WNK2: variants seen among roughly 807,000 people sequenced by gnomAD.
WNK2 encodes the protein WNK lysine deficient protein kinase 2.
WNK2 carries 67 observed loss-of-function variants against 192.1 expected under a neutral mutation model. The ratio of observed to expected loss-of-function variants is 0.35; its 90% CI spans 0.29 to 0.43. The LOEUF is 0.43. Ranked by LOEUF, WNK2 falls within the 20% of genes least tolerant of loss-of-function variation. The pLI is 1.00. For synonymous variants in WNK2, 1,439 were observed against 1,393.9 expected, an observed-to-expected ratio of 1.03 and a Z score of -0.72; for missense variants, 2,698 against 3,089.7, an observed-to-expected ratio of 0.87 and a Z score of 3.01.
In WNK2 at chr9:93,262,705, G is replaced by C; in HGVS notation, c.3396G>C (p.Pro1132=). The C allele has an allele frequency of 3.1e-6, 5 of 1,612,266 alleles. No homozygotes were observed. The highest frequency in any genetic ancestry group is 4.2e-6 in the Non-Finnish European group (5 of 1,179,878). Residue 1132 remains proline, a synonymous_variant, in exon 14 of 30, where the codon CCG becomes CCC. Coordinates refer to ENST00000427277, the MANE Select transcript of WNK2 (RefSeq NM_006648.4). ...QASQDKPPGL[P]QSCESYGGSD... is the part of the protein sequence containing the mutation. ...CACAGGACAAGCCGCCCGGCCTCCCGCAGAGCTGTGAGAGGTAGTGTGGCC... is the reference window on the plus strand; with the variant it reads ...CACAGGACAAGCCGCCCGGCCTCCCCCAGAGCTGTGAGAGGTAGTGTGGCC...
intron 19 of WNK2, among the ~76,000 whole-genome samples, chr9:93,281,010 T>C (rs1368382840): frequency 6.6e-6 from 1 of 152,162 alleles, no homozygotes; most frequent in Non-Finnish European, 1.5e-5. Context: ...ATATATAAAA[T>C]TCTAGAAAAT....
chr9:93,227,710 A>G (rs1447168066), intron 2 of WNK2, among the ~76,000 whole-genome samples: 1 of 150,392 alleles, frequency 6.6e-6, no homozygotes, highest in Non-Finnish European at 1.5e-5. Flanking sequence ...TGTGTTACCC[A>G]TGCTGGTCTT....
intron 19 of WNK2, chr9:93,268,997 C>A: frequency 6.7e-7 from 1 of 1,501,230 alleles, no homozygotes; most frequent in Non-Finnish European, 9.0e-7. Flanking sequence ...CTCGCATGGC[C>A]ATATAGGTGT....
At chr9:93,236,936 G>C (rs2132199165) in intron 5 of WNK2, among the ~76,000 whole-genome samples, 1 of 152,374 alleles carries the variant, frequency 6.6e-6, no homozygotes, top group South Asian at 2.1e-4. Flanking sequence ...GTGAAGCTCT[G>C]ATCAACACCT....
At chr9:93,309,566 A>T (rs1482902380) in intron 28 of WNK2, among the ~76,000 whole-genome samples, 1 of 152,118 alleles carries the variant, frequency 6.6e-6, no homozygotes, top group African/African-American at 2.4e-5. Context: ...TGATGTCCTG[A>T]TTTCATTCCT....
Position 93,297,860 on chromosome 9 carries a change from A to C in WNK2, c.5716A>C (p.Lys1906Gln). 1 of 1,581,228 alleles carries C rather than the reference A, an allele frequency of 6.3e-7. No homozygotes were observed. The highest frequency in any genetic ancestry group is 8.6e-7 in the Non-Finnish European group (1 of 1,164,980). Residue 1906 changes from lysine to glutamine, a missense_variant, in exon 24 of 30, where the codon AAG becomes CAG. Coordinates refer to ENST00000427277, the MANE Select transcript of WNK2 (RefSeq NM_006648.4). ...TCCTGTCCCCTCCTGCAGGCACCTGAAGGAGATCTCGGAGCTGCAGAGCCA... is the reference window on the plus strand; with the variant it reads ...TCCTGTCCCCTCCTGCAGGCACCTGCAGGAGATCTCGGAGCTGCAGAGCCA... ...ELQSLREKHLKEISELQSQQK... is the reference protein window; with the variant it reads ...ELQSLREKHLQEISELQSQQK...
At chr9:93,235,228 C>T (rs1290539266) in intron 5 of WNK2, among the ~76,000 whole-genome samples, 3 of 152,178 alleles carry the variant, frequency 2.0e-5, no homozygotes, top group African/African-American at 7.2e-5. Context: ...CCCATGGAGG[C>T]TGTCGCTCTC....
At chr9:93,318,604 C>A in intron 29 of WNK2, 1 of 1,604,012 alleles carries the variant, frequency 6.2e-7, no homozygotes, top group Non-Finnish European at 8.5e-7. Context: ...TGCCCGCCCA[C>A]CCTGTGGAGA....
At chr9:93,228,586 A>G (rs1214665069) in intron 2 of WNK2, among the ~76,000 whole-genome samples, 4 of 152,222 alleles carry the variant, frequency 2.6e-5, no homozygotes, top group African/African-American at 9.6e-5. Context: ...TCATTGGACC[A>G]AGATGAGGAG....
In WNK2 at chr9:93,297,949, C is replaced by T; in HGVS notation, c.5805C>T (p.Gly1935=). The T allele has an allele frequency of 6.3e-7, 1 of 1,585,024 alleles. No individual in the cohort carries two copies. The highest frequency in any genetic ancestry group is 8.6e-7 in the Non-Finnish European group (1 of 1,166,870). Reference sequence around the variant, plus strand: ...GCAAGCCACTGCCCCCCAACGTGGGCTTCTTCCACACGGCACCCCCCACTG... The same window carrying T: ...GCAAGCCACTGCCCCCCAACGTGGGTTTCTTCCACACGGCACCCCCCACTG... ...RLGKPLPPNV[G]FFHTAPPTGR... Residue 1935 remains glycine (G), a synonymous_variant, in exon 24 of 30, where the codon GGC becomes GGT. Transcript: ENST00000427277.
chr9:93,253,709 C>G (rs1415455084), intron 9 of WNK2, among the ~76,000 whole-genome samples: 1 of 152,104 alleles, frequency 6.6e-6, no homozygotes. Context: ...GTGATGGAAC[C>G]TCGGGCTGTG....
At chr9:93,214,329 A>T (rs928802756) in intron 2 of WNK2, among the ~76,000 whole-genome samples, 3 of 151,924 alleles carry the variant, frequency 2.0e-5, no homozygotes, top group Admixed American at 2.0e-4. Flanking sequence ...TTTGAGACGG[A>T]GTCTTGCTCT....
rs780482750 is a variant in WNK2, at chr9:93,292,514, T to C, written c.5049T>C (p.Pro1683=). Residue 1683 remains proline (P), a synonymous_variant, in exon 23 of 30, where the codon CCT becomes CCC. Coordinates refer to ENST00000427277, the MANE Select transcript of WNK2 (RefSeq NM_006648.4). Reference sequence around the variant, plus strand: ...AGGATGTACCTGCTTTTGTGAGACCTGCACGTGTGGAGCCCACAGACAGGG... The same window carrying C: ...AGGATGTACCTGCTTTTGTGAGACCCGCACGTGTGGAGCCCACAGACAGGG... The part of the protein sequence containing the change: ...VPQDVPAFVR[P]ARVEPTDRDG... The C allele has an allele frequency of 4.3e-5, 69 of 1,589,772 alleles. No homozygotes were observed. Among genetic ancestry groups the C allele is most frequent in the Non-Finnish European group, 5.8e-5 (68 of 1,166,234 alleles).
At chr9:93,233,502 C>G (rs1432447677) in intron 4 of WNK2, among the ~76,000 whole-genome samples, 2 of 152,002 alleles carry the variant, frequency 1.3e-5, no homozygotes, top group East Asian at 3.9e-4. Flanking sequence ...TCGAGAACAG[C>G]CTGACCAACA....
At chr9:93,271,434 C>T (rs528457958) in intron 19 of WNK2, among the ~76,000 whole-genome samples, 6 of 152,246 alleles carry the variant, frequency 3.9e-5, no homozygotes, top group Non-Finnish European at 5.9e-5. Context: ...AGTGACAAGA[C>T]GATGTAGATT....
chr9:93,209,052 T>C (rs1262728234), intron 2 of WNK2, among the ~76,000 whole-genome samples: 3 of 152,208 alleles, frequency 2.0e-5, no homozygotes, highest in Non-Finnish European at 4.4e-5. Flanking sequence ...GCAGCTCTCC[T>C]ATGAAACTGT....
chr9:93,212,859 C>G (rs1327007603), intron 2 of WNK2, among the ~76,000 whole-genome samples: 2 of 152,182 alleles, frequency 1.3e-5, no homozygotes, highest in African/African-American at 4.8e-5. Context: ...AAAGACTCTT[C>G]AAACTTGGGC....
rs936862882 is a variant in WNK2 at position 93,247,783 on chromosome 9, G to T, written c.1783G>T (p.Asp595Tyr). ...ACCAGAGCCCGAGGAGCCGGAGGCC[G>T]ACCAGCACCTCCTGCCACCTACGTT... ...GPPEPEEPEADQHLLPPTLPT... is the reference protein window; with the variant it reads ...GPPEPEEPEAYQHLLPPTLPT... Residue 595 changes from aspartate (D) to tyrosine (Y), a missense_variant, in exon 8 of 30, where the codon GAC (aspartate) becomes TAC (tyrosine). By Grantham distance (160) the Asp-to-Tyr change is radical. This residue lies in a region of WNK2 where 893 missense variants were observed against 909.0 expected (regional missense o/e 0.98). Coordinates refer to ENST00000427277, the MANE Select transcript of WNK2 (RefSeq NM_006648.4). This position sits in a 1 kb window ranked among gnomAD's most constrained non-coding sequence, Gnocchi z 5.2. The T allele has an allele frequency of 2.6e-6, 4 of 1,547,994 alleles. No homozygotes were observed. The highest frequency in any genetic ancestry group is 3.5e-6 in the Non-Finnish European group (4 of 1,148,602).
At chr9:93,234,737 C>A in intron 4 of WNK2, 71 bp from the exon 5 acceptor site, 2 of 1,539,854 alleles carry the variant, frequency 1.3e-6, no homozygotes. Flanking sequence ...CCAAAGCTCC[C>A]GGGACACTGG....
Sources: gnomAD v4.1 joint callset for allele counts (sites outside exome capture counted in the v4.1 genomes callset) on GRCh38, gnomAD v4.1.1 for gene constraint, gnomAD v4.1.1 regional missense constraint, Gnocchi (gnomAD v3.1) non-coding constraint, MANE v1.5 for transcripts, NCBI Gene and HGNC (gene_info 2026-07-23, HGNC 2026-07-21) for gene names.